PCDHGA8: variants seen among roughly 807,000 people sequenced by gnomAD.
PCDHGA8 encodes the protein protocadherin gamma-A8.
Under a neutral mutation model 59.2 loss-of-function variants are expected in PCDHGA8, and 45 were observed. The observed-to-expected ratio is 0.76, with a 90% CI of 0.60 to 0.98. The LOEUF is 0.98. Ranked by LOEUF, PCDHGA8 falls within the 50% of genes least tolerant of loss-of-function variation. The probability of loss-of-function intolerance (pLI) is 0.00; values close to 1 mark genes in which losing one functional copy is unlikely to be tolerated. For synonymous variants in PCDHGA8, 531 were observed against 519.0 expected, an observed-to-expected ratio of 1.02 and a Z score of -0.32; for missense variants, 1,257 against 1,196.2, an observed-to-expected ratio of 1.05 and a Z score of -0.75.
At chr5:141,455,430 G>C (rs190218223) in intron 1 of PCDHGA8, among the ~76,000 whole-genome samples, 1 of 152,274 alleles carries the variant, frequency 6.6e-6, no homozygotes, top group Admixed American at 6.5e-5. Flanking sequence ...CTCCAAAAGA[G>C]GAGGTCCCCA....
At chr5:141,468,560 T>TA (rs2099169084) in intron 1 of PCDHGA8, 1 of 152,004 alleles carries the variant, frequency 6.6e-6, no homozygotes, top group Non-Finnish European at 1.5e-5. Context: ...ATTTGTGATA[T>TA]AGTAAACAAT....
chr5:141,419,177 C>T (rs1223789288), intron 1 of PCDHGA8: 8 of 1,613,862 alleles, frequency 5.0e-6, no homozygotes, highest in Admixed American at 1.7e-5. Flanking sequence ...AACCATAACC[C>T]TGCACATTAC....
intron 1 of PCDHGA8, among the ~76,000 whole-genome samples, chr5:141,397,380 A>G (rs1469821900): frequency 1.7e-4 from 26 of 152,236 alleles, no homozygotes; most frequent in Non-Finnish European, 3.8e-4. Flanking sequence ...GGGGATTGGT[A>G]TAAAATTGCC....
chr5:141,407,618 T>C (rs2094961239), intron 1 of PCDHGA8, among the ~76,000 whole-genome samples: 1 of 152,204 alleles, frequency 6.6e-6, no homozygotes, highest in South Asian at 2.1e-4. Context: ...TTGGTTGACA[T>C]TCTATATCTC....
Position 141,432,878 on chromosome 5 carries a change from TTCGTCA to T in PCDHGA8, c.2424+37644_2424+37649del. 6.2e-7 allele frequency: 1 copy of T among 1,614,178 alleles called. No individual in the cohort carries two copies. The highest frequency in any genetic ancestry group is 1.7e-5 in the Admixed American group (1 of 60,036). Reference sequence around the variant, plus strand: ...CGCGGTCTCCTGCGTCTTCCTGGCCTTCGTCATCTTGCTGCTGGCGCTCAGGCTGCG... The same window carrying T: ...CGCGGTCTCCTGCGTCTTCCTGGCCTTCTTGCTGCTGGCGCTCAGGCTGCG... On this transcript the variant is annotated intron_variant, in intron 1 of 3. Transcript: ENST00000398604. This position sits in a 1 kb window ranked among gnomAD's most constrained non-coding sequence, Gnocchi z 6.0.
At chr5:141,478,936 G>A in intron 1 of PCDHGA8, 1 of 633,220 alleles carries the variant, frequency 1.6e-6, no homozygotes, top group African/African-American at 1.9e-5. Context: ...GCAGCTTCTA[G>A]GAATACAAAA....
At position 141,423,201 on chromosome 5, in the gene PCDHGA8, C is replaced by T. The variant is rs749613139; in HGVS notation, c.2424+27964C>T. 24 of 1,613,628 alleles carry T rather than the reference C, an allele frequency of 1.5e-5. No homozygotes were observed. The South Asian group carries it at 1.5e-4, about 10-fold the overall frequency. ...ACGGCCAGCCCCCTCTCTCGGCCAC[C>T]GTCACGCTCACCGTGGCTGTGGCCG... On this transcript the variant is annotated intron_variant, in intron 1 of 3. Coordinates refer to ENST00000398604, the MANE Select transcript of PCDHGA8 (RefSeq NM_032088.2).
chr5:141,402,855 T>G, intron 1 of PCDHGA8: 1 of 1,425,070 alleles, frequency 7.0e-7, no homozygotes, highest in Non-Finnish European at 9.2e-7. Flanking sequence ...CTCTTTCTTC[T>G]AAGGAAAAGA....
chr5:141,432,539 G>A lies in PCDHGA8; in HGVS notation c.2424+37302G>A. 2.5e-6 allele frequency: 4 copies of A among 1,614,038 alleles called. No individual in the cohort carries two copies. Among genetic ancestry groups the A allele is most frequent in the Non-Finnish European group, 3.4e-6 (4 of 1,180,022 alleles). ...CTACCTGGTGACCAAGGTGGTGGCG[G>A]TGGACAGAGACTCCGGCCAGAACGC... On this transcript the variant is annotated intron_variant, in intron 1 of 3. Transcript: ENST00000398604. The surrounding 1 kb of genome is among the most constrained non-coding windows in gnomAD (Gnocchi z 6.0).
At position 141,490,551 on chromosome 5, in the gene PCDHGA8, T is replaced by C; in HGVS notation, c.2425-4256T>C. On this transcript the variant is annotated intron_variant, in intron 1 of 3. Coordinates refer to ENST00000398604, the MANE Select transcript of PCDHGA8 (RefSeq NM_032088.2). The surrounding 1 kb of genome is among the most constrained non-coding windows in gnomAD (Gnocchi z 5.4). ...CTGGTTCACCTTCCCTACACAAACA[T>C]CTCACCATCAGGCTCAACATTTCAG... 1 of 1,614,088 alleles carries C rather than the reference T, an allele frequency of 6.2e-7. No individual in the cohort carries two copies. The highest frequency in any genetic ancestry group is 1.1e-5 in the South Asian group (1 of 91,086).
intron 1 of PCDHGA8, chr5:141,419,733 AGGTGCGCATGGTGCGTGCTTTG>A (rs763538035): frequency 1.1e-5 from 18 of 1,613,646 alleles, no homozygotes; most frequent in Non-Finnish European, 1.4e-5. Context: ...CGAACAGGCG[AGGTGCGCATGGTGCGTGCTTTG>A]GGTGACAAGG....
chr5:141,464,419 A>G (rs2099083824), intron 1 of PCDHGA8, among the ~76,000 whole-genome samples: 1 of 151,768 alleles, frequency 6.6e-6, no homozygotes, highest in South Asian at 2.1e-4. Context: ...ATATATCTAT[A>G]TATATAGATA....
At chr5:141,505,296 G>A (rs1174492966) in intron 2 of PCDHGA8, 97 bp from the exon 3 acceptor site, 1 of 1,584,850 alleles carries the variant, frequency 6.3e-7, no homozygotes, top group Non-Finnish European at 8.6e-7. Context: ...ATGGGGTAGG[G>A]TTAGGGTACT....
intron 1 of PCDHGA8, among the ~76,000 whole-genome samples, chr5:141,446,150 A>G (rs754792549): frequency 6.6e-6 from 1 of 152,216 alleles, no homozygotes; most frequent in Non-Finnish European, 1.5e-5. Flanking sequence ...GAATAGGTGG[A>G]ATATAAATTT....
intron 1 of PCDHGA8, among the ~76,000 whole-genome samples, chr5:141,480,960 A>G (rs954219522): frequency 1.3e-5 from 2 of 152,190 alleles, no homozygotes; most frequent in African/African-American, 4.8e-5. Context: ...CGGAAGCATC[A>G]GTGAGGGAGA....
At chr5:141,399,681 C>G (rs2093865042) in intron 1 of PCDHGA8, 1 of 1,613,408 alleles carries the variant, frequency 6.2e-7, no homozygotes, top group South Asian at 1.1e-5. Flanking sequence ...CCTTTGACTA[C>G]GAGCAGCTGC....
chr5:141,432,031 C>T lies in PCDHGA8; in HGVS notation c.2424+36794C>T. The T allele has an allele frequency of 6.2e-7, 1 of 1,614,220 alleles. No individual in the cohort carries two copies. Among genetic ancestry groups the T allele is most frequent in the Non-Finnish European group, 8.5e-7 (1 of 1,180,048 alleles). ...CTAGCTACAACATCACAGTGACCGC[C>T]ACTGACCGGGGAACCCCGCCCCTAT... On this transcript the variant is annotated intron_variant, in intron 1 of 3. Coordinates refer to ENST00000398604, the MANE Select transcript of PCDHGA8 (RefSeq NM_032088.2). This position sits in a 1 kb window ranked among gnomAD's most constrained non-coding sequence, Gnocchi z 6.0.
At chr5:141,426,876 C>T (rs796453479) in intron 1 of PCDHGA8, 2 of 456,726 alleles carry the variant, frequency 4.4e-6, no homozygotes, top group African/African-American at 2.0e-5. Context: ...GGAGAAGCCC[C>T]TGGGCCAGGA....
chr5:141,501,288 TATACACAC>T (rs1482707793), intron 2 of PCDHGA8, among the ~76,000 whole-genome samples: 1 of 81,228 alleles, frequency 1.2e-5, no homozygotes, highest in African/African-American at 4.9e-5. Flanking sequence ...GATATTCCCT[TATACACAC>T]ACACACACAC....
Sources: allele counts gnomAD v4.1 joint callset (sites outside exome capture counted in the v4.1 genomes callset), GRCh38; gene constraint gnomAD v4.1.1; non-coding constraint Gnocchi (gnomAD v3.1); transcripts MANE v1.5; gene names NCBI Gene and HGNC (gene_info 2026-07-23, HGNC 2026-07-21).